The following EPS15L1 variants were observed in gnomAD, a reference collection of about 807,000 sequenced individuals.
The protein encoded by EPS15L1 is epidermal growth factor receptor pathway substrate 15 like 1, also known as epidermal growth factor receptor substrate 15-like 1.
EPS15L1 carries 43 observed loss-of-function variants against 117.1 expected under a neutral mutation model. The ratio of observed to expected loss-of-function variants is 0.37; its 90% CI spans 0.29 to 0.47. EPS15L1 has a LOEUF of 0.47. Among genes scored for constraint, EPS15L1 ranks in the 20% least tolerant of loss-of-function variants. The pLI is 0.99. For missense variants in EPS15L1, 981 were observed against 1,164.0 expected, an observed-to-expected ratio of 0.84 and a Z score of 2.29; for synonymous variants, 459 against 470.5, an observed-to-expected ratio of 0.98 and a Z score of 0.32.
At chr19:16,389,399 A>G (rs1394596167) in intron 19 of EPS15L1, among the ~76,000 whole-genome samples, 1 of 152,166 alleles carries the variant, frequency 6.6e-6, no homozygotes. Flanking sequence ...GGTTGCAGTA[A>G]GCCAAGATCA....
intron 18 of EPS15L1, among the ~76,000 whole-genome samples, chr19:16,393,370 G>A (rs1361121416): frequency 2.6e-5 from 4 of 151,704 alleles, no homozygotes; most frequent in Non-Finnish European, 4.4e-5. Context: ...TAAATCGGTC[G>A]GGCATGGTGG....
At chr19:16,397,359 G>T (rs1273343400) in intron 16 of EPS15L1, among the ~76,000 whole-genome samples, 2 of 152,084 alleles carry the variant, frequency 1.3e-5, no homozygotes, top group East Asian at 3.9e-4. Context: ...CAAAGTGCTG[G>T]GATTACAGGC....
Position 16,383,703 on chromosome 19 carries a change from C to G in EPS15L1, c.2247+1426G>C, listed in dbSNP as rs983448300. On this transcript the variant is annotated intron_variant, in intron 21 of 23. Coordinates refer to ENST00000455140, the MANE Select transcript of EPS15L1 (RefSeq NM_001258374.3). This position sits in a 1 kb window ranked among gnomAD's most constrained non-coding sequence, Gnocchi z 5.2. Reference sequence around the variant, plus strand: ...ATCTGCTGCGCCGCCAGGGCACGCACACACGCGTCTTTGAAAACCTGAACA... The same window carrying G: ...ATCTGCTGCGCCGCCAGGGCACGCAGACACGCGTCTTTGAAAACCTGAACA... 1 of 152,296 alleles carries G rather than the reference C, an allele frequency of 6.6e-6. No individual in the cohort carries two copies. Among genetic ancestry groups the G allele is most frequent in the African/African-American group, 2.4e-5 (1 of 41,464 alleles). 9.4% of individuals were successfully genotyped at this position (152,296 alleles called of 1,614,324 possible). A position where few individuals can be genotyped will look rare whatever the true frequency, so the allele number is the denominator to read the frequency against.
intron 13 of EPS15L1, chr19:16,413,480 C>A (rs2092727179): frequency 2.7e-6 from 2 of 731,532 alleles, no homozygotes; most frequent in African/African-American, 3.5e-5. Context: ...CTGTATTCAC[C>A]AAGTCTCCCT....
At chr19:16,382,572 G>A (rs755079665) in intron 21 of EPS15L1, among the ~76,000 whole-genome samples, 12 of 150,934 alleles carry the variant, frequency 8.0e-5, no homozygotes, top group Admixed American at 2.0e-4. Context: ...TTAAACAATT[G>A]AGAAGTTGCT....
intron 12 of EPS15L1, among the ~76,000 whole-genome samples, chr19:16,416,117 A>G (rs540754544): frequency 6.8e-4 from 104 of 152,342 alleles, no homozygotes; most frequent in Non-Finnish European, 9.7e-4. Context: ...CTCTGCTAAC[A>G]GCACAAAACC....
At chr19:16,426,793 T>C (rs1414419533) in intron 8 of EPS15L1, among the ~76,000 whole-genome samples, 2 of 152,236 alleles carry the variant, frequency 1.3e-5, no homozygotes, top group African/African-American at 4.8e-5. Context: ...AGGAACATTT[T>C]TGGGACAACT....
chr19:16,364,762 A>G (rs3786580), intron 22 of EPS15L1, among the ~76,000 whole-genome samples: 26,636 of 152,112 alleles, frequency 0.18, 2,436 homozygotes, highest in African/African-American at 0.22. Flanking sequence ...CTGGAGCAGA[A>G]GGGGCTCCCT....
chr19:16,446,523 G>A lies in EPS15L1; in HGVS notation c.34-4304C>T, dbSNP rs554147181. ...CCTATCCAGTACCTCTCATCCTCCCGACAACGCTAAAGGGCAGGTAATATT... is the reference window on the plus strand; with the variant it reads ...CCTATCCAGTACCTCTCATCCTCCCAACAACGCTAAAGGGCAGGTAATATT... On this transcript the variant is annotated intron_variant, in intron 1 of 23. Coordinates refer to ENST00000455140, the MANE Select transcript of EPS15L1 (RefSeq NM_001258374.3). Among the ~76,000 whole-genome samples, 21 of 152,238 alleles carry A rather than the reference G, an allele frequency of 1.4e-4. 1 individual carries two copies. The East Asian group carries it at 2.3e-3, about 17-fold the overall frequency.
intron 9 of EPS15L1, 46 bp from the exon 10 acceptor site, chr19:16,421,522 A>AC: frequency 6.4e-7 from 1 of 1,566,986 alleles, no homozygotes. Flanking sequence ...GCTTTTTATG[A>AC]CCCCCAGACA....
At chr19:16,437,501 T>A (rs2092989782) in intron 5 of EPS15L1, among the ~76,000 whole-genome samples, 1 of 152,202 alleles carries the variant, frequency 6.6e-6, no homozygotes, top group Non-Finnish European at 1.5e-5. Context: ...AAGGAGTGAT[T>A]ACTTAATGTG....
intron 22 of EPS15L1, among the ~76,000 whole-genome samples, chr19:16,373,213 G>A (rs1044600192): frequency 6.6e-6 from 1 of 152,094 alleles, no homozygotes; most frequent in Non-Finnish European, 1.5e-5. Flanking sequence ...CCAGCTCAAG[G>A]CTCGACCGCC....
In EPS15L1 at chr19:16,425,232, T is replaced by C; in HGVS notation, c.643A>G (p.Lys215Glu). 6.3e-7 allele frequency: 1 copy of C among 1,597,992 alleles called. No homozygotes were observed. Among genetic ancestry groups the C allele is most frequent in the Non-Finnish European group, 8.6e-7 (1 of 1,165,866 alleles). Residue 215 changes from lysine to glutamate, a missense_variant, in exon 9 of 24, where the codon AAG becomes GAG. Physicochemically the swap from Lys to Glu is moderately conservative, Grantham distance 56 (BLOSUM62 1). This residue lies in a region of EPS15L1 where 819 missense variants were observed against 949.0 expected (regional missense o/e 0.86). Transcript: ENST00000455140. ...ACGGCGCCAGGGAACACAGTCTTCT[T>C]TCTCTTGGAGGGTGGGATGAGGGAC... ...PPSLIPPSKR[K>E]KTVFPGAVPV...
intron 16 of EPS15L1, chr19:16,401,672 T>C (rs541462960): frequency 2.9e-4 from 283 of 985,426 alleles, no homozygotes; most frequent in Non-Finnish European, 2.8e-4. Context: ...TGTCTTGGTA[T>C]CAGGGGCTCA....
chr19:16,372,179 G>A (rs2092233963), intron 22 of EPS15L1, among the ~76,000 whole-genome samples: 1 of 152,148 alleles, frequency 6.6e-6, no homozygotes, highest in South Asian at 2.1e-4. Context: ...GAGGGCAGAT[G>A]GCCAACTGTG....
rs10518278 is a variant in EPS15L1, at chr19:16,464,487, G to A, written c.33+7426C>T. 9.8e-3 allele frequency among the ~76,000 whole-genome samples: 1,494 copies of A among 152,226 alleles called. 78 individuals are homozygous for A. Among genetic ancestry groups the A allele is most frequent in the Admixed American group, 0.079 (1,206 of 15,272 alleles). On this transcript the variant is annotated intron_variant, in intron 1 of 23. Transcript: ENST00000455140. ...TTGTAGCCCAGACACAAACTCTCAC[G>A]TCTTATTTACCAAAAGACCTTCCTC...
intron 9 of EPS15L1, among the ~76,000 whole-genome samples, chr19:16,423,591 AT>A (rs2092838678): frequency 6.6e-6 from 1 of 151,926 alleles, no homozygotes; most frequent in African/African-American, 2.4e-5. Flanking sequence ...AAAAAAAAAA[AT>A]CTATGGATCT....
intron 1 of EPS15L1, among the ~76,000 whole-genome samples, chr19:16,468,579 C>A (rs2093323213): frequency 6.6e-6 from 1 of 152,214 alleles, no homozygotes; most frequent in Non-Finnish European, 1.5e-5. Context: ...CTCCTGGCCT[C>A]AAGCAATCCA....
At chr19:16,419,661 G>T (rs774909400) in intron 10 of EPS15L1, among the ~76,000 whole-genome samples, 10 of 152,208 alleles carry the variant, frequency 6.6e-5, no homozygotes, top group Non-Finnish European at 8.8e-5. Flanking sequence ...AGAGAGCTGG[G>T]ACCGTTCTAA....
Sources: allele counts gnomAD v4.1 joint callset (sites outside exome capture counted in the v4.1 genomes callset), GRCh38; gene constraint gnomAD v4.1.1; regional missense constraint gnomAD v4.1.1; non-coding constraint Gnocchi (gnomAD v3.1); transcripts MANE v1.5; gene names NCBI Gene and HGNC (gene_info 2026-07-23, HGNC 2026-07-21).